SLC43A2: variants seen among roughly 807,000 people sequenced by gnomAD.
The protein encoded by SLC43A2 is large neutral amino acids transporter small subunit 4.
A neutral mutation model predicts 63.2 loss-of-function variants in SLC43A2; 38 were observed. The ratio of observed to expected loss-of-function variants is 0.60; its 90% CI spans 0.46 to 0.79. The LOEUF is 0.79. Among genes scored for constraint, SLC43A2 ranks in the 30% least tolerant of loss-of-function variants. SLC43A2 has a pLI of 0.00. For synonymous variants in SLC43A2, 322 were observed against 331.0 expected, an observed-to-expected ratio of 0.97 and a Z score of 0.30; for missense variants, 644 against 756.2, an observed-to-expected ratio of 0.85 and a Z score of 1.74.
intron 10 of SLC43A2, among the ~76,000 whole-genome samples, chr17:1,584,775 G>C (rs1290994644): frequency 2.0e-5 from 3 of 150,852 alleles, no homozygotes; most frequent in East Asian, 2.0e-4. Flanking sequence ...AGCCGAGATA[G>C]AGCCACTGCA....
At chr17:1,596,575 GATAA>G (rs1465787259) in intron 5 of SLC43A2, among the ~76,000 whole-genome samples, 4 of 151,898 alleles carry the variant, frequency 2.6e-5, no homozygotes, top group Non-Finnish European at 5.9e-5. Context: ...ATAATAAAAA[GATAA>G]ATAACCAATT....
intron 9 of SLC43A2, among the ~76,000 whole-genome samples, chr17:1,588,972 C>A (rs771446186): frequency 6.6e-5 from 10 of 152,208 alleles, no homozygotes; most frequent in Non-Finnish European, 1.2e-4. Context: ...CCTGCGGAGC[C>A]GCAAAGCTCA....
intron 5 of SLC43A2, among the ~76,000 whole-genome samples, chr17:1,598,747 C>T (rs1469313445): frequency 1.3e-5 from 2 of 152,160 alleles, no homozygotes; most frequent in Non-Finnish European, 2.9e-5. Flanking sequence ...CTGGAGTCTT[C>T]TCCCCAGCAC....
intron 5 of SLC43A2, among the ~76,000 whole-genome samples, chr17:1,608,790 C>A (rs909125991): frequency 2.0e-5 from 3 of 152,192 alleles, no homozygotes; most frequent in African/African-American, 7.2e-5. Flanking sequence ...AGCACCTACA[C>A]ACGCTTTGTT....
intron 9 of SLC43A2, among the ~76,000 whole-genome samples, chr17:1,589,623 AT>A (rs759831961): frequency 1.3e-5 from 2 of 151,536 alleles, no homozygotes; most frequent in African/African-American, 2.4e-5. Flanking sequence ...TTCCACAGAT[AT>A]TTTTTTTTCT....
chr17:1,624,902 A>G (rs777885057), intron 2 of SLC43A2, among the ~76,000 whole-genome samples: 3 of 152,154 alleles, frequency 2.0e-5, no homozygotes, highest in Non-Finnish European at 2.9e-5. Context: ...TCTCAAATAA[A>G]AAAAAACCAT....
chr17:1,621,508 G>A (rs1016386758), intron 2 of SLC43A2, among the ~76,000 whole-genome samples: 1 of 152,224 alleles, frequency 6.6e-6, no homozygotes, highest in African/African-American at 2.4e-5. Context: ...ATGTAGGTGA[G>A]AGGTCGGCTC....
rs565869784 is a variant in SLC43A2, at chr17:1,577,054, C to T, written c.1425-334G>A. Among the ~76,000 whole-genome samples the T allele has an allele frequency of 1.3e-5, 2 of 152,116 alleles. No individual in the cohort carries two copies. Among genetic ancestry groups the T allele is most frequent in the South Asian group, 2.1e-4 (1 of 4,820 alleles). ...TAATTTTTTGTATTTTTAGTAGAGACGGGGTTTCACTACGTTGGCCAGGCT... is the reference window on the plus strand; with the variant it reads ...TAATTTTTTGTATTTTTAGTAGAGATGGGGTTTCACTACGTTGGCCAGGCT... On this transcript the variant is annotated intron_variant, in intron 12 of 13. Transcript: ENST00000301335. The surrounding 1 kb of genome is among the most constrained non-coding windows in gnomAD (Gnocchi z 4.9).
rs1906582256 is a variant in SLC43A2, at chr17:1,606,024, A to AGTAG, written c.501+7167_501+7170dup. ...GCAAATTCTCCCCAAACCAATGGCA[A>AGTAG]GTAGCTGACTGCCTGAGCTTCCCCA... On this transcript the variant is annotated intron_variant, in intron 5 of 13. Transcript: ENST00000301335. The surrounding 1 kb of genome is among the most constrained non-coding windows in gnomAD (Gnocchi z 4.7). Among the ~76,000 whole-genome samples, 1 of 152,182 alleles carries AGTAG rather than the reference A, an allele frequency of 6.6e-6. No homozygotes were observed. Among genetic ancestry groups the AGTAG allele is most frequent in the Non-Finnish European group, 1.5e-5 (1 of 68,024 alleles).
chr17:1,615,860 A>ATAAATAAAT, intron 3 of SLC43A2, among the ~76,000 whole-genome samples: 1 of 147,154 alleles, frequency 6.8e-6, no homozygotes, highest in Non-Finnish European at 1.5e-5. Context: ...AAATAAATAA[A>ATAAATAAAT]TAAATAAATA....
At chr17:1,586,928 T>TGGCCCCCCCCCCCCCCCCC in intron 9 of SLC43A2, 3 of 1,232,892 alleles carry the variant, frequency 2.4e-6, no homozygotes, top group African/African-American at 1.6e-5. Flanking sequence ...TCCCTGACAA[T>TGGCCCCCCCCCCCCCCCCC]CCCCCCCACC....
chr17:1,618,140 T>G (rs1177137963), intron 2 of SLC43A2, among the ~76,000 whole-genome samples: 1 of 152,204 alleles, frequency 6.6e-6, no homozygotes, highest in African/African-American at 2.4e-5. Context: ...CTGGAAAGGA[T>G]GCGCACAGGT....
At chr17:1,585,663 C>A (rs2076090158) in intron 10 of SLC43A2, 1 of 1,410,262 alleles carries the variant, frequency 7.1e-7, no homozygotes, top group African/African-American at 1.4e-5. Context: ...GCTGGGATTA[C>A]AGGCATGAGT....
chr17:1,616,492 C>A lies in SLC43A2; in HGVS notation c.368+70G>T, dbSNP rs1907676188. On this transcript the variant is annotated intron_variant, in intron 3 of 13. Coordinates refer to ENST00000301335, the MANE Select transcript of SLC43A2 (RefSeq NM_152346.3). The stretch of plus-strand genomic sequence containing the variant: ...CTGATATCAGGTACGACCAGGATAC[C>A]CTTCTGTGGGGAACTCAGCCCAGGG... 8 of 1,447,496 alleles carry A rather than the reference C, an allele frequency of 5.5e-6. No homozygotes were observed. In the Admixed American group the frequency reaches 1.4e-4, roughly 26 times the overall value. 89.7% of individuals were successfully genotyped at this position (1,447,496 alleles called of 1,614,324 possible).
At chr17:1,620,405 T>C (rs1356028605) in intron 2 of SLC43A2, among the ~76,000 whole-genome samples, 1 of 152,082 alleles carries the variant, frequency 6.6e-6, no homozygotes, top group Non-Finnish European at 1.5e-5. Flanking sequence ...CTTAAATTGA[T>C]TAGAGATCTG....
At chr17:1,612,225 A>G (rs1167775084) in intron 5 of SLC43A2, among the ~76,000 whole-genome samples, 3 of 152,040 alleles carry the variant, frequency 2.0e-5, no homozygotes, top group Non-Finnish European at 4.4e-5. Context: ...CAGTCTCCCA[A>G]AGTGCTGGGA....
At chr17:1,621,238 C>T (rs1291634541) in intron 2 of SLC43A2, among the ~76,000 whole-genome samples, 1 of 152,144 alleles carries the variant, frequency 6.6e-6, no homozygotes, top group East Asian at 1.9e-4. Context: ...CAAAGAGGAG[C>T]CTCCCCACAC....
At chr17:1,599,053 A>C (rs950688313) in intron 5 of SLC43A2, among the ~76,000 whole-genome samples, 12 of 152,186 alleles carry the variant, frequency 7.9e-5, no homozygotes, top group Non-Finnish European at 1.8e-4. Context: ...TTTTCCTTAG[A>C]ACGGCAATGC....
At chr17:1,625,473 A>G (rs75987368) in intron 2 of SLC43A2, among the ~76,000 whole-genome samples, 39 of 152,320 alleles carry the variant, frequency 2.6e-4, no homozygotes, top group Non-Finnish European at 4.4e-4. Flanking sequence ...AGTCTAATTC[A>G]ATAAATTCAA....
Sources: allele counts gnomAD v4.1 joint callset (sites outside exome capture counted in the v4.1 genomes callset), GRCh38; gene constraint gnomAD v4.1.1; non-coding constraint Gnocchi (gnomAD v3.1); transcripts MANE v1.5; gene names NCBI Gene and HGNC (gene_info 2026-07-23, HGNC 2026-07-21).